The following RAB30 variants were observed in gnomAD, a reference collection of about 807,000 sequenced individuals.
The protein encoded by RAB30 is RAB30, member RAS oncogene family, also known as ras-related protein Rab-30.
RAB30 carries 9 observed loss-of-function variants against 25.1 expected under a neutral mutation model. That is an observed-to-expected ratio of 0.36 (90% CI 0.22 to 0.63). RAB30 has a LOEUF of 0.63. Among genes scored for constraint, RAB30 ranks in the 20% least tolerant of loss-of-function variants. RAB30 has a pLI of 0.69. For synonymous variants in RAB30, 77 were observed against 86.4 expected, an observed-to-expected ratio of 0.89 and a Z score of 0.60; for missense variants, 140 against 243.5, an observed-to-expected ratio of 0.58 and a Z score of 2.83.
chr11:83,018,724 T>C (rs770868759), intron 1 of RAB30, among the ~76,000 whole-genome samples: 6 of 152,252 alleles, frequency 3.9e-5, no homozygotes, highest in Non-Finnish European at 8.8e-5. Flanking sequence ...ATTTTGTTTT[T>C]GTTACATTTG....
chr11:83,023,863 T>A (rs1857644817), intron 1 of RAB30, among the ~76,000 whole-genome samples: 2 of 152,180 alleles, frequency 1.3e-5, no homozygotes, highest in African/African-American at 4.8e-5. Context: ...TGCTCAGGCA[T>A]CACTCTCCTT....
chr11:83,041,149 T>A (rs954090189), intron 1 of RAB30: 3 of 151,162 alleles, frequency 2.0e-5, no homozygotes, highest in African/African-American at 7.3e-5. Context: ...TGAGCTGAGA[T>A]CACACCACTG....
intron 2 of RAB30, among the ~76,000 whole-genome samples, chr11:82,996,363 G>C (rs547866647): frequency 6.6e-6 from 1 of 152,144 alleles, no homozygotes; most frequent in South Asian, 2.1e-4. Flanking sequence ...GCAGAACCAG[G>C]ACTAAGACCC....
intron 4 of RAB30, among the ~76,000 whole-genome samples, chr11:82,985,565 G>A (rs1027284526): frequency 2.0e-5 from 3 of 151,856 alleles, no homozygotes; most frequent in African/African-American, 4.8e-5. Context: ...ACCTTGGGGC[G>A]ATAAAACAAA....
At chr11:83,026,630 A>G (rs957320664) in intron 1 of RAB30, among the ~76,000 whole-genome samples, 1 of 152,188 alleles carries the variant, frequency 6.6e-6, no homozygotes, top group African/African-American at 2.4e-5. Context: ...TCCTTTCTTT[A>G]TAATTTTCCC....
chr11:83,049,059 T>C (rs1035333620), intron 1 of RAB30, among the ~76,000 whole-genome samples: 11 of 152,212 alleles, frequency 7.2e-5, no homozygotes, highest in African/African-American at 2.7e-4. Context: ...TACAATAAGA[T>C]AAGTCTGATA....
At chr11:83,031,977 C>T (rs1271541294) in intron 1 of RAB30, among the ~76,000 whole-genome samples, 2 of 152,184 alleles carry the variant, frequency 1.3e-5, no homozygotes. Flanking sequence ...TCACTTCATC[C>T]TACAGAAGAG....
At chr11:83,062,213 C>T (rs1037615170) in intron 1 of RAB30, among the ~76,000 whole-genome samples, 1 of 152,090 alleles carries the variant, frequency 6.6e-6, no homozygotes, top group Non-Finnish European at 1.5e-5. Flanking sequence ...AAAAACAAAA[C>T]AAGTTTACTT....
chr11:83,070,096 G>A (rs368267988), intron 1 of RAB30, among the ~76,000 whole-genome samples: 5 of 105,434 alleles, frequency 4.7e-5, no homozygotes, highest in African/African-American at 1.8e-4. Flanking sequence ...GAGAGATAGA[G>A]AAATAAACAG....
intron 1 of RAB30, among the ~76,000 whole-genome samples, chr11:82,999,991 T>C (rs1269374233): frequency 6.6e-6 from 1 of 152,086 alleles, no homozygotes; most frequent in African/African-American, 2.4e-5. Context: ...ACGTGTCAGG[T>C]TGAGTCCAGA....
chr11:83,061,265 AATCC>A (rs772982052), intron 1 of RAB30, among the ~76,000 whole-genome samples: 45 of 151,854 alleles, frequency 3.0e-4, no homozygotes, highest in Admixed American at 5.2e-4. Context: ...TCCATCCATC[AATCC>A]ATCCATCCAT....
rs761757801 is a variant in RAB30, at chr11:82,981,856, A to G, written c.*309T>C. On this transcript the variant is annotated 3_prime_UTR_variant, in exon 5 of 5. Coordinates refer to ENST00000527633, the MANE Select transcript of RAB30 (RefSeq NM_001286060.2). Reference sequence around the variant, plus strand: ...ATCCCTACAGTACATTTCCCCCCGGACTCTGTTTAGGAATGCGCTTTTACT... The same window carrying G: ...ATCCCTACAGTACATTTCCCCCCGGGCTCTGTTTAGGAATGCGCTTTTACT... 17 of 315,234 alleles carry G rather than the reference A, an allele frequency of 5.4e-5. No homozygotes were observed. The highest frequency in any genetic ancestry group is 7.3e-5 in the Non-Finnish European group (12 of 165,288). The allele number at this position is 315,234 out of a possible 1,614,324, so 19.5% of individuals were successfully genotyped here. A position where few individuals can be genotyped will look rare whatever the true frequency, so the allele number is the denominator to read the frequency against.
At chr11:83,024,213 G>A (rs1263845824) in intron 1 of RAB30, among the ~76,000 whole-genome samples, 1 of 152,206 alleles carries the variant, frequency 6.6e-6, no homozygotes, top group Admixed American at 6.5e-5. Flanking sequence ...GCATACAATA[G>A]GCCTTCAGCA....
chr11:82,982,087 G>T lies in RAB30; in HGVS notation c.*78C>A. ...AGAAGGTCAGAGAGCGGGAGCCACAGTCATCGCCAGATCTCCCCAGCATCT... is the reference window on the plus strand; with the variant it reads ...AGAAGGTCAGAGAGCGGGAGCCACATTCATCGCCAGATCTCCCCAGCATCT... On this transcript the variant is annotated 3_prime_UTR_variant, in exon 5 of 5. Transcript: ENST00000527633. 1 of 1,579,928 alleles carries T rather than the reference G, an allele frequency of 6.3e-7. No individual in the cohort carries two copies. Among genetic ancestry groups the T allele is most frequent in the Non-Finnish European group, 8.6e-7 (1 of 1,157,798 alleles).
chr11:82,979,535 C>T lies in RAB30; in HGVS notation c.*2630G>A, dbSNP rs559292843. 6.6e-6 allele frequency: 1 copy of T among 152,210 alleles called. No homozygotes were observed. The highest frequency in any genetic ancestry group is 2.1e-4 in the South Asian group (1 of 4,818). The allele number at this position is 152,210 out of a possible 1,614,324, so 9.4% of individuals were successfully genotyped here. On this transcript the variant is annotated 3_prime_UTR_variant, in exon 5 of 5. Transcript: ENST00000527633. ...GGTTAAGATGACTGTATTTAGTGTC[C>T]TTTCTCAAGTTCTACTTGAAGGAAT...
rs115926372 is a variant in RAB30 at position 83,017,625 on chromosome 11, C to G, written c.-8-20301G>C. On this transcript the variant is annotated intron_variant, in intron 1 of 4. Coordinates refer to ENST00000527633, the MANE Select transcript of RAB30 (RefSeq NM_001286060.2). Reference sequence around the variant, plus strand: ...GCTCCCACTTACAAGTGAGAACATACGATATTTAATTTTCCATTCCTGAAT... The same window carrying G: ...GCTCCCACTTACAAGTGAGAACATAGGATATTTAATTTTCCATTCCTGAAT... Among the ~76,000 whole-genome samples, 331 of 152,140 alleles carry G rather than the reference C, an allele frequency of 2.2e-3. 1 individual carries two copies. The highest frequency in any genetic ancestry group is 7.7e-3 in the African/African-American group (320 of 41,502).
chr11:83,020,971 T>A (rs1470169745), intron 1 of RAB30, among the ~76,000 whole-genome samples: 1 of 152,018 alleles, frequency 6.6e-6, no homozygotes, highest in African/African-American at 2.4e-5. Context: ...AGGAGTTACC[T>A]TCTCTGCTGA....
At chr11:83,016,227 G>C (rs377702808) in intron 1 of RAB30, among the ~76,000 whole-genome samples, 1 of 152,170 alleles carries the variant, frequency 6.6e-6, no homozygotes, top group Non-Finnish European at 1.5e-5. Context: ...GACAAGGACG[G>C]TCCTGATGAA....
intron 1 of RAB30, among the ~76,000 whole-genome samples, chr11:83,013,277 G>A (rs1857343189): frequency 6.6e-6 from 1 of 152,054 alleles, no homozygotes; most frequent in African/African-American, 2.4e-5. Flanking sequence ...AGAGACAGGG[G>A]TTTCACCACG....
Sources: gnomAD v4.1 joint callset for allele counts (sites outside exome capture counted in the v4.1 genomes callset) on GRCh38, gnomAD v4.1.1 for gene constraint, MANE v1.5 for transcripts, NCBI Gene and HGNC (gene_info 2026-07-23, HGNC 2026-07-21) for gene names.